Variants in FBXO7 observed in about 807,000 individuals in gnomAD.
The protein encoded by FBXO7 is F-box protein 7.
A neutral mutation model predicts 50.2 loss-of-function variants in FBXO7; 31 were observed. The observed-to-expected ratio is 0.62, with a 90% CI of 0.46 to 0.83. The LOEUF is 0.83. FBXO7 is among the 40% of genes least tolerant of loss of function. The pLI, the probability that FBXO7 is intolerant of heterozygous loss-of-function variation, is 0.00. For missense variants in FBXO7, 667 were observed against 646.6 expected (o/e 1.03, Z -0.34); for synonymous variants, 256 against 253.1 (o/e 1.01, Z -0.11).
intron 1 of FBXO7, among the ~76,000 whole-genome samples, chr22:32,477,712 A>C (rs72620410): frequency 0.087 from 13,295 of 152,186 alleles, 1,249 homozygotes; most frequent in East Asian, 0.46. Context: ...GGTTTTTCGG[A>C]ACCATTATAA....
chr22:32,476,202 AT>A (rs1053561038), intron 1 of FBXO7, among the ~76,000 whole-genome samples: 1 of 151,818 alleles, frequency 6.6e-6, no homozygotes, highest in Non-Finnish European at 1.5e-5. Flanking sequence ...TTTCTTCCTG[AT>A]TAAAAAAAAA....
rs2057414797 is a variant in FBXO7 at position 32,474,814 on chromosome 22, C to T, written c.-189C>T. The T allele has an allele frequency of 4.9e-6, 3 of 606,992 alleles. No homozygotes were observed. The highest frequency in any genetic ancestry group is 6.6e-5 in the Admixed American group (2 of 30,310). 37.6% of individuals were successfully genotyped at this position (606,992 alleles called of 1,614,324 possible). ...CGCCCTCAGGAGAGGGGCGGGCGCT[C>T]TATTCCAGAGACCGAGTGGCAGGGC... is the stretch of plus-strand genomic sequence containing the variant. On this transcript the variant is annotated 5_prime_UTR_variant, in exon 1 of 9. Transcript: ENST00000266087.
chr22:32,482,453 G>C (rs902847359), intron 2 of FBXO7, among the ~76,000 whole-genome samples: 1 of 152,160 alleles, frequency 6.6e-6, no homozygotes, highest in African/African-American at 2.4e-5. Context: ...TGCATTAAGA[G>C]TTGGGCATAT....
intron 6 of FBXO7, 92 bp from the exon 7 acceptor site, chr22:32,493,013 A>G: frequency 8.0e-7 from 1 of 1,249,776 alleles, no homozygotes; most frequent in Non-Finnish European, 1.2e-6. Flanking sequence ...GTCACTTTAG[A>G]AAGGAACAAG....
chr22:32,483,912 A>C lies in FBXO7; in HGVS notation c.433A>C (p.Asn145His). The C allele has an allele frequency of 6.2e-7, 1 of 1,614,150 alleles. No individual in the cohort carries two copies. Among genetic ancestry groups the C allele is most frequent in the East Asian group, 2.2e-5 (1 of 44,890 alleles). The change falls in exon 3 of 9, where the codon AAT (asparagine) becomes CAT (histidine). Residue 145 changes from asparagine to histidine, a missense_variant. Physicochemically the swap from Asn to His is moderately conservative, Grantham distance 68 (BLOSUM62 1). Coordinates refer to ENST00000266087, the MANE Select transcript of FBXO7 (RefSeq NM_012179.4). ...NDDSMLGPSQNFEAESIQDNA... is the reference protein window; with the variant it reads ...NDDSMLGPSQHFEAESIQDNA... ...CCTTTTTCAGTTAGGGCCTAGTCAA[A>C]ATTTTGAAGCTGAGTCAATTCAAGA... is the stretch of plus-strand genomic sequence containing the variant.
At chr22:32,497,324 T>A (rs114908746) in intron 8 of FBXO7, among the ~76,000 whole-genome samples, 1,803 of 152,228 alleles carry the variant, frequency 0.012, 46 homozygotes, top group African/African-American at 0.042. Context: ...CCTTTCCCCC[T>A]AAGTCCCCAA....
intron 3 of FBXO7, among the ~76,000 whole-genome samples, chr22:32,484,674 A>G (rs1485550397): frequency 1.3e-5 from 2 of 152,244 alleles, no homozygotes; most frequent in Non-Finnish European, 2.9e-5. Context: ...AAATATGAAT[A>G]GAATGCTAGG....
At chr22:32,495,282 A>C (rs1364653012) in intron 7 of FBXO7, among the ~76,000 whole-genome samples, 2 of 152,242 alleles carry the variant, frequency 1.3e-5, no homozygotes, top group Admixed American at 6.5e-5. Context: ...AGCACAGAGC[A>C]GCAATGATCA....
At chr22:32,490,997 A>G in intron 5 of FBXO7, 89 bp from the exon 6 acceptor site, 1 of 873,396 alleles carries the variant, frequency 1.1e-6, no homozygotes, top group African/African-American at 1.7e-5. Flanking sequence ...GTGAATATTT[A>G]TTCACCATGT....
intron 8 of FBXO7, among the ~76,000 whole-genome samples, chr22:32,497,584 A>G (rs1362591515): frequency 1.3e-5 from 2 of 152,226 alleles, no homozygotes; most frequent in Non-Finnish European, 2.9e-5. Context: ...CGAATATTAC[A>G]TAAATTTAGT....
chr22:32,477,194 T>C (rs2142719), intron 1 of FBXO7, among the ~76,000 whole-genome samples: 14 of 152,226 alleles, frequency 9.2e-5, no homozygotes, highest in Non-Finnish European at 1.5e-4. Flanking sequence ...ATTTCAGTAA[T>C]TTTAATTTCT....
chr22:32,492,555 T>C (rs370364065), intron 6 of FBXO7: 1 of 155,842 alleles, frequency 6.4e-6, no homozygotes, highest in East Asian at 1.9e-4. Context: ...TGAGTGCTTA[T>C]GCTTGGTGTG....
At chr22:32,477,911 G>C (rs1187136012) in intron 1 of FBXO7, 1 of 152,206 alleles carries the variant, frequency 6.6e-6, no homozygotes, top group East Asian at 1.9e-4. Context: ...GGCAGAGGTA[G>C]GGTAGACAGA....
At chr22:32,494,126 AAG>A (rs1491494626) in intron 7 of FBXO7, among the ~76,000 whole-genome samples, 13 of 149,694 alleles carry the variant, frequency 8.7e-5, no homozygotes, top group African/African-American at 2.7e-4. Context: ...AAAAAAAAAA[AAG>A]AATATCATGT....
intron 5 of FBXO7, chr22:32,488,183 G>GATCTCAATA: frequency 1.2e-4 from 22 of 188,942 alleles, no homozygotes; most frequent in South Asian, 3.2e-4. Flanking sequence ...CCAATATGGA[G>GATCTCAATA]GGGATCTGTG....
chr22:32,497,613 G>A (rs114300738), intron 8 of FBXO7, among the ~76,000 whole-genome samples: 2,577 of 152,302 alleles, frequency 0.017, 82 homozygotes, highest in African/African-American at 0.058. Context: ...CAGAAGCAAG[G>A]TTTGAGAAGG....
At chr22:32,476,503 G>A (rs1006213160) in intron 1 of FBXO7, among the ~76,000 whole-genome samples, 3 of 152,102 alleles carry the variant, frequency 2.0e-5, no homozygotes, top group Non-Finnish European at 4.4e-5. Context: ...AGTTGAGGCT[G>A]GTTACCTGGA....
At chr22:32,476,458 G>A (rs2145985741) in intron 1 of FBXO7, among the ~76,000 whole-genome samples, 1 of 152,290 alleles carries the variant, frequency 6.6e-6, no homozygotes, top group East Asian at 1.9e-4. Flanking sequence ...CTGCCCAAAA[G>A]GGCACGTTGG....
chr22:32,482,513 T>C (rs188621390), intron 2 of FBXO7, among the ~76,000 whole-genome samples: 1 of 152,340 alleles, frequency 6.6e-6, no homozygotes, highest in African/African-American at 2.4e-5. Context: ...AACTTAGTTT[T>C]TTTTGAAGCC....
Sources: allele counts gnomAD v4.1 joint callset (sites outside exome capture counted in the v4.1 genomes callset), GRCh38; gene constraint gnomAD v4.1.1; transcripts MANE v1.5; gene names NCBI Gene and HGNC (gene_info 2026-07-23, HGNC 2026-07-21).